ARRB1: variants seen among roughly 807,000 people sequenced by gnomAD.
The protein encoded by ARRB1 is arrestin beta 1.
Under a neutral mutation model 56.8 loss-of-function variants are expected in ARRB1, and 21 were observed. The ratio of observed to expected loss-of-function variants is 0.37; its 90% CI spans 0.26 to 0.53. The LOEUF (loss-of-function observed/expected upper bound fraction) is 0.53, where lower values mean the gene tolerates loss of function less well. Among genes scored for constraint, ARRB1 ranks in the 20% least tolerant of loss-of-function variants. The pLI is 0.88. For synonymous variants in ARRB1, 210 were observed against 218.6 expected, an observed-to-expected ratio of 0.96 and a Z score of 0.35; for missense variants, 424 against 553.7, an observed-to-expected ratio of 0.77 and a Z score of 2.35.
chr11:75,291,241 G>A (rs984048808), intron 1 of ARRB1, among the ~76,000 whole-genome samples: 4 of 152,160 alleles, frequency 2.6e-5, no homozygotes, highest in Non-Finnish European at 4.4e-5. Flanking sequence ...GGAGGCTGAG[G>A]TAGAATTGCC....
At chr11:75,308,095 T>C (rs1351365689) in intron 1 of ARRB1, among the ~76,000 whole-genome samples, 2 of 152,266 alleles carry the variant, frequency 1.3e-5, no homozygotes, top group Non-Finnish European at 2.9e-5. Context: ...ACACTGGCCC[T>C]CCCTGGGTGC....
In ARRB1 at chr11:75,274,191, G is replaced by C. The variant is rs1227831031; in HGVS notation, c.797C>G (p.Ser266Trp). ...CAGTGTGTAGACCTTGCAGAACGTC[G>C]AGCTGGGTGCCACAGTGTCACTGGG... ...EEADDTVAPS[S>W]TFCKVYTLTP... Residue 266 changes from serine to tryptophan, a missense_variant, in exon 11 of 16, where the codon TCG becomes TGG. By Grantham distance (177) the Ser-to-Trp change is radical. Transcript: ENST00000420843. The C allele has an allele frequency of 6.2e-7, 1 of 1,614,032 alleles. No homozygotes were observed. Among genetic ancestry groups the C allele is most frequent in the Admixed American group, 1.7e-5 (1 of 60,010 alleles).
chr11:75,291,885 CA>C (rs1257842793), intron 1 of ARRB1, among the ~76,000 whole-genome samples: 1 of 152,202 alleles, frequency 6.6e-6, no homozygotes, highest in African/African-American at 2.4e-5. Flanking sequence ...GTCCAGTAGG[CA>C]CCAGGGTGGG....
intron 15 of ARRB1, 78 bp downstream of exon 15, chr11:75,267,574 G>GCATATATGCAAATGAC (rs1945954447): frequency 1.7e-5 from 24 of 1,423,480 alleles, no homozygotes; most frequent in Non-Finnish European, 2.3e-5. Flanking sequence ...GAGTTAATAA[G>GCATATATGCAAATGAC]CATATATGCA....
chr11:75,298,323 T>C (rs1407262440), intron 1 of ARRB1, among the ~76,000 whole-genome samples: 1 of 150,854 alleles, frequency 6.6e-6, no homozygotes, highest in Non-Finnish European at 1.5e-5. Flanking sequence ...ATAGCCAGGA[T>C]ATATAAAGAA....
At chr11:75,340,233 T>A (rs771342946) in intron 1 of ARRB1, among the ~76,000 whole-genome samples, 12 of 152,244 alleles carry the variant, frequency 7.9e-5, no homozygotes, top group Non-Finnish European at 1.6e-4. Context: ...TTTCCTCTAA[T>A]GAGGCTTCCC....
intron 1 of ARRB1, among the ~76,000 whole-genome samples, chr11:75,306,295 C>T (rs1249978625): frequency 1.3e-5 from 2 of 152,156 alleles, no homozygotes; most frequent in African/African-American, 4.8e-5. Context: ...CGTCTCCAGC[C>T]AGACCCTCTC....
chr11:75,285,578 G>A (rs904588862), intron 3 of ARRB1, among the ~76,000 whole-genome samples: 9 of 152,286 alleles, frequency 5.9e-5, no homozygotes, highest in Admixed American at 4.6e-4. Flanking sequence ...GTGGGGAACC[G>A]GTAAGCATAG....
chr11:75,289,508 C>T (rs545782796), intron 2 of ARRB1, among the ~76,000 whole-genome samples: 97 of 152,296 alleles, frequency 6.4e-4, no homozygotes, highest in Admixed American at 3.7e-3. Flanking sequence ...CCCCTGTCCC[C>T]GCCGGCTCAG....
In ARRB1 at chr11:75,287,383, G is replaced by T; in HGVS notation, c.52-8C>A. On this transcript the variant is annotated splice_region_variant and splice_polypyrimidine_tract_variant and intron_variant, in intron 2 of 15. Coordinates refer to ENST00000420843, the MANE Select transcript of ARRB1 (RefSeq NM_004041.5). ...TCCCAGGTAGACGGTGAGCTGAGGA[G>T]GAGAGGCATAGGGGGCGTTAGCAGC... 6.4e-7 allele frequency: 1 copy of T among 1,558,266 alleles called. No individual in the cohort carries two copies. The highest frequency in any genetic ancestry group is 8.7e-7 in the Non-Finnish European group (1 of 1,150,548).
chr11:75,343,378 T>C (rs1025424120), intron 1 of ARRB1, among the ~76,000 whole-genome samples: 1 of 152,148 alleles, frequency 6.6e-6, no homozygotes, highest in Admixed American at 6.5e-5. Context: ...AGGCTTGTAA[T>C]GAGGCCTTGG....
intron 10 of ARRB1, among the ~76,000 whole-genome samples, chr11:75,276,152 A>G (rs1236993611): frequency 6.6e-6 from 1 of 152,210 alleles, no homozygotes; most frequent in Non-Finnish European, 1.5e-5. Context: ...ATAAACAAAT[A>G]CACATATACA....
intron 1 of ARRB1, among the ~76,000 whole-genome samples, chr11:75,318,689 C>CA (rs1002536870): frequency 8.6e-4 from 120 of 140,086 alleles, no homozygotes; most frequent in African/African-American, 1.6e-3. Context: ...GACTCTGTCT[C>CA]AAAAAAAAAA....
At chr11:75,319,475 GCCCTTC>G (rs1947311808) in intron 1 of ARRB1, among the ~76,000 whole-genome samples, 1 of 152,206 alleles carries the variant, frequency 6.6e-6, no homozygotes, top group South Asian at 2.1e-4. Flanking sequence ...TGCCTGGAAT[GCCCTTC>G]CCACCCTGCC....
At chr11:75,284,133 T>A in intron 4 of ARRB1, 102 bp downstream of exon 4, 3 of 1,252,466 alleles carry the variant, frequency 2.4e-6, no homozygotes, top group Non-Finnish European at 3.3e-6. Context: ...TGTTGGGGCT[T>A]TCAGGGGAAC....
intron 1 of ARRB1, among the ~76,000 whole-genome samples, chr11:75,331,332 C>G (rs993600415): frequency 6.6e-6 from 1 of 151,636 alleles, no homozygotes; most frequent in Non-Finnish European, 1.5e-5. Context: ...TTTTTTTTAC[C>G]TTGCCCAAAT....
Position 75,287,302 on chromosome 11 carries a change from T to A in ARRB1, c.112+13A>T. 1 of 1,551,872 alleles carries A rather than the reference T, an allele frequency of 6.4e-7. No homozygotes were observed. Among genetic ancestry groups the A allele is most frequent in the African/African-American group, 1.4e-5 (1 of 73,136 alleles). On this transcript the variant is annotated intron_variant, in intron 3 of 15. Coordinates refer to ENST00000420843, the MANE Select transcript of ARRB1 (RefSeq NM_004041.5). ...TCTTCCCCCAGCCCTCCTCTCGCCC[T>A]CCAGGGACTCACCCACAGGGTCCAC...
At chr11:75,348,485 C>T (rs1285665875) in intron 1 of ARRB1, among the ~76,000 whole-genome samples, 1 of 152,216 alleles carries the variant, frequency 6.6e-6, no homozygotes, top group Non-Finnish European at 1.5e-5. Context: ...TCCCCAGGCC[C>T]TGGGCACTCA....
At chr11:75,347,506 T>C (rs549253756) in intron 1 of ARRB1, among the ~76,000 whole-genome samples, 1 of 152,192 alleles carries the variant, frequency 6.6e-6, no homozygotes, top group Non-Finnish European at 1.5e-5. Context: ...TGATCCTTCA[T>C]GTTGTCTGTT....
Sources: gnomAD v4.1 joint callset for allele counts (sites outside exome capture counted in the v4.1 genomes callset) on GRCh38, gnomAD v4.1.1 for gene constraint, MANE v1.5 for transcripts, NCBI Gene and HGNC (gene_info 2026-07-23, HGNC 2026-07-21) for gene names.